The following WASHC4 variants were observed in gnomAD, a reference collection of about 807,000 sequenced individuals.
The protein encoded by WASHC4 is WASH complex subunit 4, also known as WASH complex subunit 7.
WASHC4 carries 86 observed loss-of-function variants against 166.6 expected under a neutral mutation model. That is an observed-to-expected ratio of 0.52 (90% CI 0.43 to 0.62). The LOEUF is 0.62. Ranked by LOEUF, WASHC4 falls within the 20% of genes least tolerant of loss-of-function variation. The pLI is 0.00. For synonymous variants in WASHC4, 446 were observed against 451.6 expected (o/e 0.99, Z 0.16); for missense variants, 1,262 against 1,382.4 (o/e 0.91, Z 1.38).
At position 105,156,768 on chromosome 12, in the gene WASHC4, T is replaced by C. The variant is rs532382771; in HGVS notation, c.2801T>C (p.Leu934Pro). The C allele has an allele frequency of 1.2e-6, 2 of 1,612,872 alleles. No individual in the cohort carries two copies. Among genetic ancestry groups the C allele is most frequent in the African/African-American group, 2.7e-5 (2 of 75,018 alleles). Reference protein sequence around the residue: ...GYVRMIRSGGLHCSSNAIRFV... With the variant: ...GYVRMIRSGGPHCSSNAIRFV... The stretch of plus-strand genomic sequence containing the variant: ...GTACGAATGATAAGATCTGGTGGTC[T>C]TCATTGTAGCAGCAATGCCATTAGG... Residue 934 changes from leucine (L) to proline (P), a missense_variant, in exon 27 of 33, where the codon CTT (leucine) becomes CCT (proline). Leu to Pro is a moderately conservative substitution (Grantham distance 98). Coordinates refer to ENST00000332180, the MANE Select transcript of WASHC4 (RefSeq NM_015275.3).
intron 26 of WASHC4, among the ~76,000 whole-genome samples, chr12:105,152,694 T>G (rs1883861436): frequency 6.6e-6 from 1 of 152,202 alleles, no homozygotes; most frequent in Admixed American, 6.5e-5. Context: ...AGTTATTTAA[T>G]AACTAAATCT....
At position 105,160,014 on chromosome 12, in the gene WASHC4, G is replaced by T. The variant is rs375454474; in HGVS notation, c.2926G>T (p.Val976Phe). 1.2e-6 allele frequency: 2 copies of T among 1,613,982 alleles called. No homozygotes were observed. ...TTTGCTTTTTAGGCATTTGGATTCA[G>T]TCCTCAGTGATCACACACGAAATTC... ...TLKAARHLDS[V>F]LSDHTRNSAE... is the part of the protein sequence containing the mutation. Residue 976 changes from valine to phenylalanine, a missense_variant, in exon 29 of 33, where the codon GTC (valine) becomes TTC (phenylalanine). Val to Phe is a conservative substitution (Grantham distance 50, BLOSUM62 -1). Transcript: ENST00000332180.
intron 24 of WASHC4, chr12:105,148,097 G>C (rs1295553891): frequency 3.0e-6 from 3 of 985,196 alleles, no homozygotes; most frequent in Non-Finnish European, 3.6e-6. Context: ...CACATTTGGA[G>C]TAGGGAATTG....
rs1343347966 is a variant in WASHC4 at position 105,167,234 on chromosome 12, TC to T, written c.*304del. On this transcript the variant is annotated 3_prime_UTR_variant, in exon 33 of 33. Transcript: ENST00000332180. ...GATTCATAAACTATCACCTCGGATT[TC>T]TTGTAATCTACATGTTTGTAATTTG... is the stretch of plus-strand genomic sequence containing the variant. The T allele has an allele frequency of 2.8e-6, 1 of 352,372 alleles. No homozygotes were observed. The highest frequency in any genetic ancestry group is 5.3e-6 in the Non-Finnish European group (1 of 188,316). The allele number at this position is 352,372 out of a possible 1,614,324, so 21.8% of individuals were successfully genotyped here.
chr12:105,151,243 G>C (rs534521927), intron 25 of WASHC4, among the ~76,000 whole-genome samples: 2 of 150,922 alleles, frequency 1.3e-5, no homozygotes, highest in African/African-American at 4.9e-5. Flanking sequence ...CTGTTGAATT[G>C]TTAAGTGGCA....
Position 105,142,680 on chromosome 12 carries a change from C to T in WASHC4, c.1893+122C>T, listed in dbSNP as rs576055151. On this transcript the variant is annotated intron_variant, in intron 19 of 32. Coordinates refer to ENST00000332180, the MANE Select transcript of WASHC4 (RefSeq NM_015275.3). ...TTAAAATTGACTGTTTTGTAAACTG[C>T]ATATTCATAAAGTGTTTATAGTCTG... The T allele has an allele frequency of 1.5e-5, 10 of 649,782 alleles. No individual in the cohort carries two copies. The African/African-American group carries it at 1.6e-4, about 11-fold the overall frequency. 40.3% of individuals were successfully genotyped at this position (649,782 alleles called of 1,614,324 possible).
rs1429906467 is a variant in WASHC4 at position 105,165,955 on chromosome 12, T to G, written c.3455-909T>G. ...ATTTGAATCAATATAATCTAAATTA[T>G]GAAGAAACTCAGTTATTGCCTCAGT... On this transcript the variant is annotated intron_variant, in intron 32 of 32. Coordinates refer to ENST00000332180, the MANE Select transcript of WASHC4 (RefSeq NM_015275.3). 5.9e-5 allele frequency among the ~76,000 whole-genome samples: 9 copies of G among 152,228 alleles called. No individual in the cohort carries two copies. The East Asian group carries it at 1.7e-3, about 29-fold the overall frequency.
chr12:105,149,025 A>G (rs1883527534), intron 24 of WASHC4: 1 of 974,588 alleles, frequency 1.0e-6, no homozygotes, highest in Admixed American at 6.2e-5. Flanking sequence ...TTAATAATTT[A>G]TTTAACAATA....
intron 14 of WASHC4, 47 bp from the exon 15 acceptor site, chr12:105,137,839 T>G (rs763448815): frequency 6.5e-7 from 1 of 1,528,648 alleles, no homozygotes; most frequent in Non-Finnish European, 9.0e-7. Context: ...AATGAAATCT[T>G]GAAGAAAATC....
chr12:105,118,471 G>A lies in WASHC4; in HGVS notation c.461G>A (p.Cys154Tyr), dbSNP rs1469236494. The A allele has an allele frequency of 1.2e-6, 2 of 1,613,398 alleles. No homozygotes were observed. Among genetic ancestry groups the A allele is most frequent in the Non-Finnish European group, 1.7e-6 (2 of 1,179,312 alleles). Residue 154 changes from cysteine (C) to tyrosine (Y), a missense_variant, in exon 7 of 33, where the codon TGC becomes TAC. Cys to Tyr is a radical substitution (Grantham distance 194). Transcript: ENST00000332180. Reference sequence around the variant, plus strand: ...GAACTGTCTTGCTTTGTTACGAGGTGCTATGAAGTGGTGATGAACGTAGTC... The same window carrying A: ...GAACTGTCTTGCTTTGTTACGAGGTACTATGAAGTGGTGATGAACGTAGTC... ...LQELSCFVTR[C>Y]YEVVMNVVHQ...
chr12:105,143,124 T>C lies in WASHC4; in HGVS notation c.1894-3T>C, dbSNP rs1375181669. The C allele has an allele frequency of 6.3e-7, 1 of 1,580,824 alleles. No individual in the cohort carries two copies. The highest frequency in any genetic ancestry group is 1.7e-5 in the Admixed American group (1 of 59,826). On this transcript the variant is annotated splice_polypyrimidine_tract_variant and splice_region_variant and intron_variant, in intron 19 of 32. Coordinates refer to ENST00000332180, the MANE Select transcript of WASHC4 (RefSeq NM_015275.3). ...TTCATGTACATTTTAATTTTCTTCT[T>C]AGTACATGTTCAGTGCTTTGCGCGA...
chr12:105,144,437 C>A lies in WASHC4; in HGVS notation c.2161C>A (p.Arg721Ser), dbSNP rs775943983. The A allele has an allele frequency of 5.0e-6, 8 of 1,611,784 alleles. No homozygotes were observed. In the Admixed American group the frequency reaches 1.2e-4, roughly 24 times the overall value. The change falls in exon 21 of 33, where the codon CGT (arginine) becomes AGT (serine). Residue 721 changes from arginine to serine, a missense_variant. Arg to Ser is a moderately radical substitution (Grantham distance 110, BLOSUM62 -1). Transcript: ENST00000332180. ...TCTGAATCCAATTCGGTTTTTCAAT[C>A]GTTTCATTGACATTCGGGGTGAGTG... ...FSLNPIRFFN[R>S]FIDIRAYVTH...
chr12:105,137,769 A>C, intron 14 of WASHC4, 117 bp from the exon 15 acceptor site: 1 of 820,444 alleles, frequency 1.2e-6, no homozygotes, highest in Admixed American at 2.3e-5. Context: ...GCTGGCTTTA[A>C]GATGAACTTT....
chr12:105,149,218 T>G, intron 24 of WASHC4: 1 of 985,398 alleles, frequency 1.0e-6, no homozygotes, highest in Non-Finnish European at 1.2e-6. Flanking sequence ...CTTACTTTAG[T>G]ATCATTCTAG....
chr12:105,114,342 GT>G lies in WASHC4; in HGVS notation c.256-15del. 1 of 1,598,330 alleles carries G rather than the reference GT, an allele frequency of 6.3e-7. No individual in the cohort carries two copies. Among genetic ancestry groups the G allele is most frequent in the Non-Finnish European group, 8.5e-7 (1 of 1,169,988 alleles). ...TCTGTAACAATTTACTTTTTATTTT[GT>G]TTTTACTCATGAAACTAGGTCTTAA... On this transcript the variant is annotated intron_variant, in intron 3 of 32. Transcript: ENST00000332180.
intron 14 of WASHC4, among the ~76,000 whole-genome samples, chr12:105,136,997 A>G (rs12315667): frequency 0.014 from 2,186 of 152,226 alleles, 54 homozygotes; most frequent in African/African-American, 0.049. Flanking sequence ...ACATTGGCAT[A>G]TATCTTCTGC....
At chr12:105,125,877 T>C (rs2135750877) in intron 10 of WASHC4, 127 bp from the exon 11 acceptor site, 1 of 875,390 alleles carries the variant, frequency 1.1e-6, no homozygotes, top group Non-Finnish European at 1.8e-6. Context: ...ACCTGAGCTT[T>C]AGTTTTAGTA....
chr12:105,109,447 T>G (rs369285330), intron 1 of WASHC4, among the ~76,000 whole-genome samples: 1 of 152,262 alleles, frequency 6.6e-6, no homozygotes, highest in East Asian at 1.9e-4. Flanking sequence ...GCATGTTAAG[T>G]AGGTTTTTGG....
At chr12:105,124,849 G>T (rs1881128211) in intron 10 of WASHC4, among the ~76,000 whole-genome samples, 1 of 152,068 alleles carries the variant, frequency 6.6e-6, no homozygotes, top group Admixed American at 6.5e-5. Context: ...ATGTAATTTG[G>T]GTTTGCACAG....
Sources: allele counts gnomAD v4.1 joint callset (sites outside exome capture counted in the v4.1 genomes callset), GRCh38; gene constraint gnomAD v4.1.1; transcripts MANE v1.5; gene names NCBI Gene and HGNC (gene_info 2026-07-23, HGNC 2026-07-21).